FAT3: variants seen among roughly 807,000 people sequenced by gnomAD.
The protein encoded by FAT3 is FAT atypical cadherin 3.
FAT3 carries 95 observed loss-of-function variants against 310.2 expected under a neutral mutation model. That is an observed-to-expected ratio of 0.31 (90% CI 0.26 to 0.36). FAT3 has a LOEUF of 0.36. FAT3 is among the 10% of genes least tolerant of loss of function. FAT3 has a pLI of 1.00. For synonymous variants in FAT3, 2,314 were observed against 2,192.9 expected, an observed-to-expected ratio of 1.06 and a Z score of -1.54; for missense variants, 5,408 against 5,715.6, an observed-to-expected ratio of 0.95 and a Z score of 1.74.
At chr11:92,566,570 G>A (rs527772531) in intron 3 of FAT3, among the ~76,000 whole-genome samples, 95 of 151,370 alleles carry the variant, frequency 6.3e-4, no homozygotes, top group African/African-American at 1.9e-3. Flanking sequence ...AAAAGAGCCC[G>A]CATTGCCAAG....
chr11:92,547,042 C>T (rs1954639974), intron 3 of FAT3, among the ~76,000 whole-genome samples: 1 of 152,132 alleles, frequency 6.6e-6, no homozygotes, highest in South Asian at 2.1e-4. Context: ...ATGCTCAGAC[C>T]TTATGCTGCC....
intron 1 of FAT3, among the ~76,000 whole-genome samples, chr11:92,235,228 A>G (rs1055494769): frequency 6.6e-6 from 1 of 152,156 alleles, no homozygotes; most frequent in Non-Finnish European, 1.5e-5. Flanking sequence ...TGTCTTCTGC[A>G]GCCCCTCTGC....
At chr11:92,539,496 G>A (rs1954371295) in intron 3 of FAT3, among the ~76,000 whole-genome samples, 1 of 152,142 alleles carries the variant, frequency 6.6e-6, no homozygotes, top group Admixed American at 6.6e-5. Flanking sequence ...ATCCAACTCT[G>A]ATTTAATAAG....
intron 4 of FAT3, among the ~76,000 whole-genome samples, chr11:92,729,348 A>G (rs1026304487): frequency 2.0e-5 from 3 of 152,014 alleles, no homozygotes; most frequent in Admixed American, 6.6e-5. Flanking sequence ...GGGTAATAAG[A>G]TTTGAGGGAG....
intron 2 of FAT3, among the ~76,000 whole-genome samples, chr11:92,519,435 G>GAA (rs1953609457): frequency 6.6e-6 from 1 of 151,994 alleles, no homozygotes. Context: ...TAGACCAGAA[G>GAA]AAAACACAGG....
At chr11:92,648,947 CCTT>C (rs372938560) in intron 3 of FAT3, among the ~76,000 whole-genome samples, 122 of 152,316 alleles carry the variant, frequency 8.0e-4, no homozygotes, top group African/African-American at 2.7e-3. Context: ...ACTCCCCTCT[CCTT>C]CTGCTCTCCC....
At chr11:92,756,559 C>T (rs1015046395) in intron 4 of FAT3, among the ~76,000 whole-genome samples, 22 of 152,162 alleles carry the variant, frequency 1.4e-4, no homozygotes, top group Admixed American at 2.0e-4. Flanking sequence ...TTTAACTCTT[C>T]GGCTTAAAAA....
rs992577 is a variant in FAT3 at position 92,314,197 on chromosome 11, C to A, written c.-17-37899C>A. On this transcript the variant is annotated intron_variant, in intron 1 of 27. Transcript: ENST00000525166. The stretch of plus-strand genomic sequence containing the variant: ...ACAAAAGATGATTAGATACTTGGTC[C>A]AATCCTAGGAATGAAGTTTTGTGGT... 1.0e-4 allele frequency: 50 copies of A among 501,560 alleles called. No homozygotes were observed. In the South Asian group the frequency reaches 3.7e-3, roughly 37 times the overall value. The allele number at this position is 501,560 out of a possible 1,614,324, so 31.1% of individuals were successfully genotyped here. A position where few individuals can be genotyped will look rare whatever the true frequency, so the allele number is the denominator to read the frequency against.
At chr11:92,457,080 C>T (rs1951511376) in intron 2 of FAT3, among the ~76,000 whole-genome samples, 1 of 152,056 alleles carries the variant, frequency 6.6e-6, no homozygotes, top group Non-Finnish European at 1.5e-5. Context: ...AGAGCATAGC[C>T]AAGGTAAGCC....
chr11:92,315,479 G>GTGTATATATA (rs1555009286), intron 1 of FAT3, among the ~76,000 whole-genome samples: 8 of 65,192 alleles, frequency 1.2e-4, no homozygotes, highest in Non-Finnish European at 2.4e-4. Context: ...GTGTGTGTGT[G>GTGTATATATA]TATATATATA....
chr11:92,592,348 G>A (rs1218692021), intron 3 of FAT3, among the ~76,000 whole-genome samples: 1 of 116,742 alleles, frequency 8.6e-6, no homozygotes, highest in East Asian at 2.7e-4. Flanking sequence ...TTGAGATAGA[G>A]TCTCGCTCTG....
chr11:92,668,543 C>A (rs1181573746), intron 3 of FAT3, among the ~76,000 whole-genome samples: 1 of 152,162 alleles, frequency 6.6e-6, no homozygotes, highest in Non-Finnish European at 1.5e-5. Flanking sequence ...CAAATATGGG[C>A]TTGTATCTAG....
At chr11:92,867,600 T>C (rs1949281398) in intron 22 of FAT3, among the ~76,000 whole-genome samples, 1 of 152,198 alleles carries the variant, frequency 6.6e-6, no homozygotes, top group African/African-American at 2.4e-5. Flanking sequence ...TGAGTTATGA[T>C]GCCCATGCAC....
At chr11:92,264,864 A>C (rs1446126150) in intron 1 of FAT3, among the ~76,000 whole-genome samples, 1 of 152,092 alleles carries the variant, frequency 6.6e-6, no homozygotes, top group East Asian at 1.9e-4. Flanking sequence ...TAATCATTCA[A>C]AGAATAACAT....
chr11:92,716,709 C>T (rs1479619525), intron 4 of FAT3, among the ~76,000 whole-genome samples: 1 of 152,134 alleles, frequency 6.6e-6, no homozygotes, highest in Admixed American at 6.5e-5. Flanking sequence ...AGGCAATTCA[C>T]TCACCAGGGT....
intron 3 of FAT3, among the ~76,000 whole-genome samples, chr11:92,551,149 G>C (rs1954801428): frequency 6.6e-6 from 1 of 152,006 alleles, no homozygotes; most frequent in Non-Finnish European, 1.5e-5. Context: ...GTTAGTTAGA[G>C]ACCAATTGGA....
intron 4 of FAT3, among the ~76,000 whole-genome samples, chr11:92,756,293 CAAT>C (rs1328947064): frequency 4.6e-5 from 7 of 152,126 alleles, no homozygotes; most frequent in Admixed American, 1.3e-4. Context: ...AGTTCAATGA[CAAT>C]GATGATGTAG....
At chr11:92,545,558 G>T (rs1954589832) in intron 3 of FAT3, among the ~76,000 whole-genome samples, 1 of 151,926 alleles carries the variant, frequency 6.6e-6, no homozygotes, top group Admixed American at 6.6e-5. Context: ...AAGTAATGTG[G>T]TTCAAATGTA....
intron 4 of FAT3, among the ~76,000 whole-genome samples, chr11:92,736,441 C>T (rs1351469841): frequency 6.6e-6 from 1 of 152,108 alleles, no homozygotes; most frequent in Non-Finnish European, 1.5e-5. Flanking sequence ...TTCAGTAGGA[C>T]CCAATTACAC....
Sources: gnomAD v4.1 joint callset for allele counts (sites outside exome capture counted in the v4.1 genomes callset) on GRCh38, gnomAD v4.1.1 for gene constraint, MANE v1.5 for transcripts, NCBI Gene and HGNC (gene_info 2026-07-23, HGNC 2026-07-21) for gene names.